The following STIM1 variants were observed in gnomAD, a reference collection of about 807,000 sequenced individuals.
The protein encoded by STIM1 is stromal interaction molecule 1.
STIM1 carries 25 observed loss-of-function variants against 74.7 expected under a neutral mutation model. The observed-to-expected ratio is 0.33, with a 90% CI of 0.24 to 0.47. STIM1 has a LOEUF of 0.47. Ranked by LOEUF, STIM1 falls within the 20% of genes least tolerant of loss-of-function variation. The pLI, the probability that STIM1 is intolerant of heterozygous loss-of-function variation, is 1.00. For missense variants in STIM1, 728 were observed against 920.8 expected, an observed-to-expected ratio of 0.79 and a Z score of 2.71; for synonymous variants, 328 against 348.8, an observed-to-expected ratio of 0.94 and a Z score of 0.66.
At chr11:4,024,010 A>G (rs755451600) in intron 3 of STIM1, 23 bp downstream of exon 3, 16 of 1,596,750 alleles carry the variant, frequency 1.0e-5, no homozygotes, top group Admixed American at 5.0e-5. Context: ...CTGGTCATCA[A>G]TCCTAGTTGT....
At chr11:3,934,296 G>A (rs1416632144) in intron 1 of STIM1, among the ~76,000 whole-genome samples, 2 of 151,930 alleles carry the variant, frequency 1.3e-5, no homozygotes, top group Admixed American at 6.6e-5. Context: ...ATAAAACAAG[G>A]CTGCTACACT....
At chr11:4,076,778 CT>C (rs1419348051) in intron 7 of STIM1, among the ~76,000 whole-genome samples, 9 of 137,476 alleles carry the variant, frequency 6.5e-5, no homozygotes, top group Non-Finnish European at 9.4e-5. Flanking sequence ...ATTGTGGTTC[CT>C]TTTTTGGGAC....
At chr11:4,005,431 G>A (rs1353415431) in intron 2 of STIM1, among the ~76,000 whole-genome samples, 1 of 152,084 alleles carries the variant, frequency 6.6e-6, no homozygotes, top group African/African-American at 2.4e-5. Context: ...TCCTTTGTAG[G>A]GACATGGATG....
At chr11:3,942,048 AT>A (rs2093017238) in intron 1 of STIM1, among the ~76,000 whole-genome samples, 1 of 152,194 alleles carries the variant, frequency 6.6e-6, no homozygotes, top group Non-Finnish European at 1.5e-5. Context: ...CAATTAAAAA[AT>A]GTTCAAATAA....
intron 5 of STIM1, among the ~76,000 whole-genome samples, chr11:4,064,769 C>T (rs1159114677): frequency 1.3e-5 from 2 of 152,152 alleles, no homozygotes; most frequent in Non-Finnish European, 2.9e-5. Context: ...GCTTAATCCT[C>T]CCCATGTGAC....
chr11:3,880,833 A>G (rs551427807), intron 1 of STIM1, among the ~76,000 whole-genome samples: 3 of 152,174 alleles, frequency 2.0e-5, no homozygotes, highest in Non-Finnish European at 4.4e-5. Flanking sequence ...CTGTCTGGAA[A>G]GAGGATGAGA....
In STIM1 at chr11:4,092,364, T is replaced by TA; in HGVS notation, c.*566_*567insA. 2 of 167,972 alleles carry TA rather than the reference T, an allele frequency of 1.2e-5. No homozygotes were observed. Among genetic ancestry groups the TA allele is most frequent in the Admixed American group, 5.4e-5 (1 of 18,376 alleles). 10.4% of individuals were successfully genotyped at this position (167,972 alleles called of 1,614,324 possible). A position where few individuals can be genotyped will look rare whatever the true frequency, so the allele number is the denominator to read the frequency against. ...GGTCAGAAGGAGCCTCATCCTAATCTCACTCAGGCCTCCAGGGATCCATGG... is the reference window on the plus strand; with the variant it reads ...GGTCAGAAGGAGCCTCATCCTAATCTACACTCAGGCCTCCAGGGATCCATGG... On this transcript the variant is annotated 3_prime_UTR_variant, in exon 13 of 13. Coordinates refer to ENST00000526596, the MANE Select transcript of STIM1 (RefSeq NM_001382567.1).
chr11:3,873,151 C>T (rs2091178187), intron 1 of STIM1, among the ~76,000 whole-genome samples: 1 of 152,000 alleles, frequency 6.6e-6, no homozygotes. Context: ...TGCGGTGGCT[C>T]ACGTCTGTAA....
At position 3,882,329 on chromosome 11, in the gene STIM1, C is replaced by T. The variant is rs145812753; in HGVS notation, c.139+25920C>T. Among the ~76,000 whole-genome samples the T allele has an allele frequency of 3.2e-3, 481 of 151,948 alleles. 4 individuals carry two copies. The highest frequency in any genetic ancestry group is 0.011 in the African/African-American group (453 of 41,424). On this transcript the variant is annotated intron_variant, in intron 1 of 12. Coordinates refer to ENST00000526596, the MANE Select transcript of STIM1 (RefSeq NM_001382567.1). ...GGCCAGGCTGGTCTTGAACTCCCGA[C>T]CTCAGGTGATTCGCCCACCTCAGCC... is the stretch of plus-strand genomic sequence containing the variant.
chr11:3,901,884 C>T (rs546115298), intron 1 of STIM1, among the ~76,000 whole-genome samples: 9 of 152,352 alleles, frequency 5.9e-5, no homozygotes, highest in South Asian at 2.1e-4. Context: ...CCCCAGGCTC[C>T]AGTCTCCTGA....
At chr11:3,899,816 C>G (rs962011265) in intron 1 of STIM1, among the ~76,000 whole-genome samples, 6 of 151,210 alleles carry the variant, frequency 4.0e-5, no homozygotes, top group African/African-American at 1.2e-4. Flanking sequence ...TGCTGGATTA[C>G]ATTTATTGAT....
intron 2 of STIM1, among the ~76,000 whole-genome samples, chr11:3,985,002 G>C (rs2093544754): frequency 6.6e-6 from 1 of 152,164 alleles, no homozygotes; most frequent in Non-Finnish European, 1.5e-5. Context: ...ACGCAGGCAA[G>C]GGTACCAGTT....
chr11:3,873,282 G>T (rs2091186095), intron 1 of STIM1, among the ~76,000 whole-genome samples: 1 of 152,002 alleles, frequency 6.6e-6, no homozygotes, highest in Admixed American at 6.6e-5. Flanking sequence ...GCTGAGCGTG[G>T]TGGCGCATGT....
At chr11:4,086,898 C>A (rs2094497317) in intron 12 of STIM1, 1 of 1,510,666 alleles carries the variant, frequency 6.6e-7, no homozygotes, top group African/African-American at 1.4e-5. Context: ...TCCCTTCCTT[C>A]CCTTTCTGCT....
chr11:3,857,107 TG>T (rs369060425), intron 1 of STIM1, among the ~76,000 whole-genome samples: 848 of 82,818 alleles, frequency 0.01, 120 homozygotes, highest in African/African-American at 0.019. Flanking sequence ...TTTTTTTTTT[TG>T]TTTTTTTTTT....
chr11:3,892,568 G>C, intron 1 of STIM1: 1 of 1,601,432 alleles, frequency 6.2e-7, no homozygotes, highest in East Asian at 2.2e-5. Flanking sequence ...GGAACTGTTT[G>C]TGTTGGGTCC....
chr11:3,922,666 C>T, intron 1 of STIM1: 1 of 192,286 alleles, frequency 5.2e-6, no homozygotes, highest in Non-Finnish European at 1.1e-5. Context: ...TTCCAGCTTG[C>T]TCGGTAGCTG....
intron 3 of STIM1, among the ~76,000 whole-genome samples, chr11:4,024,935 A>T (rs2093986871): frequency 6.6e-6 from 1 of 152,224 alleles, no homozygotes; most frequent in East Asian, 1.9e-4. Flanking sequence ...CAATAAGACT[A>T]GAAGAAATCT....
chr11:3,860,577 T>C (rs1039424584), intron 1 of STIM1, among the ~76,000 whole-genome samples: 1 of 152,198 alleles, frequency 6.6e-6, no homozygotes, highest in African/African-American at 2.4e-5. Context: ...GGGGAGGCCT[T>C]ACAGTTTCTT....
Sources: allele counts gnomAD v4.1 joint callset (sites outside exome capture counted in the v4.1 genomes callset), GRCh38; gene constraint gnomAD v4.1.1; transcripts MANE v1.5; gene names NCBI Gene and HGNC (gene_info 2026-07-23, HGNC 2026-07-21).